Variants in ATP10B observed in about 807,000 individuals in gnomAD.
ATP10B encodes the protein phospholipid-transporting ATPase VB.
ATP10B carries 122 observed loss-of-function variants against 141.2 expected under a neutral mutation model. The observed-to-expected ratio is 0.86, with a 90% CI of 0.75 to 1.00. The LOEUF (loss-of-function observed/expected upper bound fraction) is 1.00. ATP10B is among the 50% of genes least tolerant of loss of function. The pLI is 0.00. For missense variants in ATP10B, 1,876 were observed against 1,825.3 expected, an observed-to-expected ratio of 1.03 and a Z score of -0.51; for synonymous variants, 685 against 692.0, an observed-to-expected ratio of 0.99 and a Z score of 0.16.
chr5:160,735,677 A>C (rs768904729), intron 2 of ATP10B, among the ~76,000 whole-genome samples: 1 of 152,170 alleles, frequency 6.6e-6, no homozygotes, highest in African/African-American at 2.4e-5. Context: ...ATTTCATCCA[A>C]TAACTACTGA....
At chr5:160,787,919 C>T (rs147846667) in intron 1 of ATP10B, among the ~76,000 whole-genome samples, 14 of 152,238 alleles carry the variant, frequency 9.2e-5, no homozygotes, top group East Asian at 3.9e-4. Context: ...CTAAGAAGAA[C>T]GTTTCAATTA....
In ATP10B at chr5:160,670,560, G is replaced by T; in HGVS notation, c.578C>A (p.Ser193Tyr). The change falls in exon 7 of 26, where the codon TCC becomes TAC. Residue 193 changes from serine (S) to tyrosine (Y), a missense_variant. Ser to Tyr is a moderately radical substitution (Grantham distance 144). Coordinates refer to ENST00000327245, the MANE Select transcript of ATP10B (RefSeq NM_025153.3). Reference sequence around the variant, plus strand: ...ATGGCATATCCCATTGGGGTCAGAGGAAAAAAGGAGGAGTATGTCTGCTGG... The same window carrying T: ...ATGGCATATCCCATTGGGGTCAGAGTAAAAAAGGAGGAGTATGTCTGCTGG... ...IVPADILLLF[S>Y]SDPNGICHLE... The T allele has an allele frequency of 6.2e-7, 1 of 1,613,878 alleles. No homozygotes were observed. The highest frequency in any genetic ancestry group is 8.5e-7 in the Non-Finnish European group (1 of 1,179,906).
intron 1 of ATP10B, among the ~76,000 whole-genome samples, chr5:160,804,306 G>A (rs1295599766): frequency 6.6e-6 from 1 of 152,190 alleles, no homozygotes; most frequent in Non-Finnish European, 1.5e-5. Context: ...ATGTGTGTAT[G>A]TGATAAATAG....
intron 6 of ATP10B, 23 bp downstream of exon 6, chr5:160,686,056 A>G (rs1318025906): frequency 6.6e-7 from 1 of 1,521,164 alleles, no homozygotes. Flanking sequence ...TGCAAGAGAG[A>G]ACACAGGGAT....
chr5:160,828,975 C>A (rs1439799892), intron 1 of ATP10B, among the ~76,000 whole-genome samples: 7 of 141,112 alleles, frequency 5.0e-5, no homozygotes, highest in Admixed American at 7.7e-5. Context: ...CCAAACACCG[C>A]ATGTTCTCAC....
chr5:160,819,985 C>T (rs1214280632), intron 1 of ATP10B, among the ~76,000 whole-genome samples: 1 of 151,488 alleles, frequency 6.6e-6, no homozygotes, highest in Admixed American at 6.6e-5. Context: ...AAAGCAGGAG[C>T]AAACCAAATG....
rs1762634014 is a variant in ATP10B, at chr5:160,670,681, A to G, written c.471-14T>C. 1 of 1,611,218 alleles carries G rather than the reference A, an allele frequency of 6.2e-7. No homozygotes were observed. Among genetic ancestry groups the G allele is most frequent in the East Asian group, 2.2e-5 (1 of 44,868 alleles). On this transcript the variant is annotated splice_polypyrimidine_tract_variant and intron_variant, in intron 6 of 25. Coordinates refer to ENST00000327245, the MANE Select transcript of ATP10B (RefSeq NM_025153.3). ...GTCTGCTCTTTTCTTGGGTGAGAGA[A>G]AGACAGGGTGTGAGTGAGCTTTAAG...
At chr5:160,719,369 T>C (rs778406947) in intron 2 of ATP10B, among the ~76,000 whole-genome samples, 18 of 152,210 alleles carry the variant, frequency 1.2e-4, no homozygotes, top group Non-Finnish European at 2.4e-4. Flanking sequence ...CGTTGCACTC[T>C]GGCCTGGGCA....
At position 160,637,269 on chromosome 5, in the gene ATP10B, C is replaced by T. The variant is rs1356016895; in HGVS notation, c.1001-960G>A. 2.0e-5 allele frequency among the ~76,000 whole-genome samples: 3 copies of T among 151,754 alleles called. No individual in the cohort carries two copies. The South Asian group carries it at 6.3e-4, about 32-fold the overall frequency. On this transcript the variant is annotated intron_variant, in intron 10 of 25. Coordinates refer to ENST00000327245, the MANE Select transcript of ATP10B (RefSeq NM_025153.3). ...CCATCCATATACTCCATATACTCAC[C>T]CATTTATCCATCCATCCATCCACCC...
intron 1 of ATP10B, among the ~76,000 whole-genome samples, chr5:160,814,382 T>G (rs888073281): frequency 6.6e-6 from 1 of 152,110 alleles, no homozygotes; most frequent in Non-Finnish European, 1.5e-5. Flanking sequence ...AGAAAGGGTA[T>G]CAGTGATGGA....
chr5:160,615,822 A>T lies in ATP10B; in HGVS notation c.2653+16T>A, dbSNP rs1757964022. ...GCATTCCTTTTTTCCTATAATAATG[A>T]CTTATTTTTAGCTACCAAGTAAGGT... On this transcript the variant is annotated intron_variant, in intron 17 of 25. Transcript: ENST00000327245. The T allele has an allele frequency of 6.2e-7, 1 of 1,606,642 alleles. No homozygotes were observed. Among genetic ancestry groups the T allele is most frequent in the African/African-American group, 1.3e-5 (1 of 74,804 alleles).
the ATP10B span, among the ~76,000 whole-genome samples, chr5:160,873,572 A>G: frequency 1.3e-5 from 2 of 152,250 alleles, no homozygotes; most frequent in Non-Finnish European, 1.5e-5. Flanking sequence ...TACAGCTCCC[A>G]GCGTGAGCGA....
intron 7 of ATP10B, among the ~76,000 whole-genome samples, chr5:160,652,378 G>A (rs1444413843): frequency 2.0e-5 from 3 of 151,692 alleles, no homozygotes; most frequent in Non-Finnish European, 4.4e-5. Context: ...GGCAGCTGCT[G>A]GGCCAGCTCA....
chr5:160,708,157 T>G (rs567291782), intron 3 of ATP10B, among the ~76,000 whole-genome samples: 1 of 152,088 alleles, frequency 6.6e-6, no homozygotes, highest in Non-Finnish European at 1.5e-5. Flanking sequence ...TCCAGGGAGG[T>G]TGACAACCAC....
At chr5:160,818,705 T>C (rs1420996654) in intron 1 of ATP10B, among the ~76,000 whole-genome samples, 2 of 152,202 alleles carry the variant, frequency 1.3e-5, no homozygotes, top group African/African-American at 4.8e-5. Flanking sequence ...CACAAATATG[T>C]TTATTGTGGC....
intron 1 of ATP10B, among the ~76,000 whole-genome samples, chr5:160,839,205 G>A (rs1366093817): frequency 6.6e-6 from 1 of 152,138 alleles, no homozygotes; most frequent in African/African-American, 2.4e-5. Context: ...ATTGAATTGT[G>A]TAAAAATTTT....
At chr5:160,720,549 CA>C (rs1317981367) in intron 2 of ATP10B, among the ~76,000 whole-genome samples, 3 of 152,242 alleles carry the variant, frequency 2.0e-5, no homozygotes, top group African/African-American at 7.2e-5. Context: ...CTTCTTCAAT[CA>C]GGCGTTGGCC....
chr5:160,670,100 G>T (rs1287837322), intron 7 of ATP10B, among the ~76,000 whole-genome samples: 1 of 152,094 alleles, frequency 6.6e-6, no homozygotes, highest in African/African-American at 2.4e-5. Flanking sequence ...GGCAGAGTGA[G>T]TTGGGATTGG....
At chr5:160,634,065 A>G (rs954951061) in intron 12 of ATP10B, 9 of 481,332 alleles carry the variant, frequency 1.9e-5, no homozygotes, top group South Asian at 1.6e-4. Flanking sequence ...TTGCTGACAG[A>G]TAAAAAACTC....
Sources: gnomAD v4.1 joint callset for allele counts (sites outside exome capture counted in the v4.1 genomes callset) on GRCh38, gnomAD v4.1.1 for gene constraint, MANE v1.5 for transcripts, NCBI Gene and HGNC (gene_info 2026-07-23, HGNC 2026-07-21) for gene names.